The following HECTD4 variants were observed in gnomAD, a reference collection of about 807,000 sequenced individuals.
HECTD4 encodes the protein probable E3 ubiquitin-protein ligase HECTD4.
HECTD4 carries 114 observed loss-of-function variants against 471.5 expected under a neutral mutation model. That is an observed-to-expected ratio of 0.24 (90% confidence interval 0.21 to 0.28). The LOEUF is 0.28. Ranked by LOEUF, HECTD4 falls within the 10% of genes least tolerant of loss-of-function variation. HECTD4 has a pLI of 1.00. For synonymous variants in HECTD4, 2,012 were observed against 2,256.0 expected, an observed-to-expected ratio of 0.89 and a Z score of 3.07; for missense variants, 3,866 against 5,651.5, an observed-to-expected ratio of 0.68 and a Z score of 10.13.
chr12:112,252,293 G>C, intron 23 of HECTD4, 131 bp downstream of exon 23: 2 of 886,318 alleles, frequency 2.3e-6, no homozygotes, highest in Non-Finnish European at 3.3e-6. Flanking sequence ...TAGTTGACTA[G>C]TGCCAACTAG....
intron 1 of HECTD4, among the ~76,000 whole-genome samples, chr12:112,377,027 G>A (rs2036794419): frequency 6.6e-6 from 1 of 152,268 alleles, no homozygotes; most frequent in Non-Finnish European, 1.5e-5. Flanking sequence ...CTGGAGAATC[G>A]CCTCAACCCG....
At chr12:112,339,339 CAT>C (rs1708907278) in intron 1 of HECTD4, among the ~76,000 whole-genome samples, 1 of 119,262 alleles carries the variant, frequency 8.4e-6, no homozygotes, top group Non-Finnish European at 1.7e-5. Context: ...AAAAAATACA[CAT>C]GACATACTAC....
chr12:112,314,543 T>A lies in HECTD4; in HGVS notation c.699A>T (p.Gly233=), dbSNP rs779254266. The change falls in exon 3 of 76, where the codon GGA becomes GGT. Residue 233 remains glycine (G), a synonymous_variant. Transcript: ENST00000682272. ...CTGTGTGGACGAAAGTTTTCAATGATCCCCTAAAAATAAAAGGAAGGAACA... is the reference window on the plus strand; with the variant it reads ...CTGTGTGGACGAAAGTTTTCAATGAACCCCTAAAAATAAAAGGAAGGAACA... ...AALVALACAR[G]SLKTFVHTVH... The A allele has an allele frequency of 1.3e-6, 2 of 1,492,710 alleles. No homozygotes were observed. Among genetic ancestry groups the A allele is most frequent in the Non-Finnish European group, 9.0e-7 (1 of 1,107,490 alleles). The allele number at this position is 1,492,710 out of a possible 1,614,324, so 92.5% of individuals were successfully genotyped here.
intron 7 of HECTD4, among the ~76,000 whole-genome samples, chr12:112,298,862 A>G (rs1329471424): frequency 6.7e-6 from 1 of 150,100 alleles, no homozygotes; most frequent in Non-Finnish European, 1.5e-5. Flanking sequence ...AGCCTGGGTG[A>G]CAGAGTGAGA....
At chr12:112,338,335 T>A (rs1421950919) in intron 1 of HECTD4, among the ~76,000 whole-genome samples, 1 of 152,202 alleles carries the variant, frequency 6.6e-6, no homozygotes, top group African/African-American at 2.4e-5. Flanking sequence ...TATAAAGAAA[T>A]ACCTGAGGCC....
In HECTD4 at chr12:112,216,331, G is replaced by T; in HGVS notation, c.7426C>A (p.Gln2476Lys). 1 of 1,555,790 alleles carries T rather than the reference G, an allele frequency of 6.4e-7. No individual in the cohort carries two copies. Among genetic ancestry groups the T allele is most frequent in the Non-Finnish European group, 8.7e-7 (1 of 1,149,140 alleles). ...ACGTCTAAGCGAACGCTCTTCCACT[G>T]TAACAAACTGGAGCCATTATAGTGC... ...AVHYNGSSLL[Q>K]WKSVRLDVTL... The change falls in exon 48 of 76, where the codon CAG becomes AAG. Residue 2476 changes from glutamine to lysine, a missense_variant. Coordinates refer to ENST00000682272, the MANE Select transcript of HECTD4 (RefSeq NM_001388303.1).
At chr12:112,309,484 A>T in intron 5 of HECTD4, 77 bp downstream of exon 5, 2 of 674,208 alleles carry the variant, frequency 3.0e-6, no homozygotes, top group South Asian at 3.7e-5. Context: ...GAATCTACCC[A>T]CAGTGTCTTC....
At chr12:112,206,464 C>T (rs1333033783) in intron 52 of HECTD4, among the ~76,000 whole-genome samples, 1 of 151,440 alleles carries the variant, frequency 6.6e-6, no homozygotes, top group African/African-American at 2.4e-5. Context: ...CACTGTACTC[C>T]AGCCCAGTTA....
At chr12:112,308,446 ACAAAAACAAAAC>A in intron 6 of HECTD4, among the ~76,000 whole-genome samples, 1 of 149,608 alleles carries the variant, frequency 6.7e-6, no homozygotes, top group Admixed American at 6.8e-5. Flanking sequence ...AAAAAAAAAA[ACAAAAACAAAAC>A]AAAAAAAAAA....
At chr12:112,283,031 C>T (rs938981688) in intron 8 of HECTD4, 79 bp downstream of exon 8, 1 of 1,162,308 alleles carries the variant, frequency 8.6e-7, no homozygotes, top group Non-Finnish European at 1.2e-6. Context: ...CTTTGTACAG[C>T]ACGGACGAAG....
At chr12:112,370,849 T>C (rs2036653137) in intron 1 of HECTD4, among the ~76,000 whole-genome samples, 1 of 152,172 alleles carries the variant, frequency 6.6e-6, no homozygotes, top group Non-Finnish European at 1.5e-5. Context: ...AGTTACACAA[T>C]TTCTGCAATT....
At chr12:112,312,823 C>G (rs1040015379) in intron 4 of HECTD4, among the ~76,000 whole-genome samples, 194 bp downstream of exon 4, 1 of 152,114 alleles carries the variant, frequency 6.6e-6, no homozygotes, top group Non-Finnish European at 1.5e-5. Context: ...TAAAACCTAT[C>G]CATTTTCTTA....
intron 20 of HECTD4, 72 bp downstream of exon 20, chr12:112,258,424 A>ATTCT: frequency 9.3e-7 from 1 of 1,070,342 alleles, no homozygotes; most frequent in Non-Finnish European, 1.3e-6. Flanking sequence ...AATCATTTTC[A>ATTCT]TAAAAGGAGT....
chr12:112,324,196 C>A (rs2035695459), intron 1 of HECTD4, among the ~76,000 whole-genome samples: 1 of 148,858 alleles, frequency 6.7e-6, no homozygotes, highest in Non-Finnish European at 1.5e-5. Flanking sequence ...CTCACTGGAG[C>A]CTCAAGCTTC....
intron 67 of HECTD4, among the ~76,000 whole-genome samples, chr12:112,171,650 A>G (rs986469766): frequency 6.6e-6 from 1 of 152,228 alleles, no homozygotes; most frequent in Non-Finnish European, 1.5e-5. Flanking sequence ...GTGATGTCAT[A>G]TCAAAACCAG....
In HECTD4 at chr12:112,179,688, C is replaced by T. The variant is rs2031593757; in HGVS notation, c.10988-291G>A. Among the ~76,000 whole-genome samples, 1 of 152,226 alleles carries T rather than the reference C, an allele frequency of 6.6e-6. No individual in the cohort carries two copies. Among genetic ancestry groups the T allele is most frequent in the Non-Finnish European group, 1.5e-5 (1 of 68,026 alleles). On this transcript the variant is annotated intron_variant, in intron 62 of 75. Coordinates refer to ENST00000682272, the MANE Select transcript of HECTD4 (RefSeq NM_001388303.1). This position sits in a 1 kb window ranked among gnomAD's most constrained non-coding sequence, Gnocchi z 4.3. Reference sequence around the variant, plus strand: ...CCCCTACCTGGTTGCTCGGGGACGACAGGCCCCTCCCCGAGGGTGGGCACA... The same window carrying T: ...CCCCTACCTGGTTGCTCGGGGACGATAGGCCCCTCCCCGAGGGTGGGCACA...
chr12:112,184,148 G>C lies in HECTD4; in HGVS notation c.10779+39C>G. 1.3e-6 allele frequency: 2 copies of C among 1,521,334 alleles called. No homozygotes were observed. The highest frequency in any genetic ancestry group is 1.8e-6 in the Non-Finnish European group (2 of 1,112,318). 94.2% of individuals were successfully genotyped at this position (1,521,334 alleles called of 1,614,324 possible). Reference sequence around the variant, plus strand: ...AAAGAGGCTTGGGGGATTGAAATGGGTCATGATTTAGTGGTTGCAGAGGCT... The same window carrying C: ...AAAGAGGCTTGGGGGATTGAAATGGCTCATGATTTAGTGGTTGCAGAGGCT... On this transcript the variant is annotated intron_variant, in intron 61 of 75. Coordinates refer to ENST00000682272, the MANE Select transcript of HECTD4 (RefSeq NM_001388303.1). The surrounding 1 kb of genome is among the most constrained non-coding windows in gnomAD (Gnocchi z 9.1).
chr12:112,164,657 G>A (rs1159696641), intron 72 of HECTD4, among the ~76,000 whole-genome samples: 2 of 149,922 alleles, frequency 1.3e-5, no homozygotes, highest in African/African-American at 2.5e-5. Context: ...TTTTGCTCTT[G>A]TTGCCCAGGC....
At chr12:112,215,379 A>G (rs1321186037) in intron 48 of HECTD4, among the ~76,000 whole-genome samples, 1 of 152,196 alleles carries the variant, frequency 6.6e-6, no homozygotes, top group African/African-American at 2.4e-5. Context: ...CCTAAGATGC[A>G]TTGTCTAAAA....
Sources: gnomAD v4.1 joint callset for allele counts (sites outside exome capture counted in the v4.1 genomes callset) on GRCh38, gnomAD v4.1.1 for gene constraint, Gnocchi (gnomAD v3.1) non-coding constraint, MANE v1.5 for transcripts, NCBI Gene and HGNC (gene_info 2026-07-23, HGNC 2026-07-21) for gene names.